The following SEPTIN9 variants were observed in gnomAD, a reference collection of about 807,000 sequenced individuals.
SEPTIN9 encodes septin 9, also known as septin-9.
In SEPTIN9, 13 loss-of-function variants were observed where a neutral mutation model predicts 56.6. The observed-to-expected ratio is 0.23, with a 90% CI of 0.15 to 0.37. SEPTIN9 has a LOEUF of 0.37. Among genes scored for constraint, SEPTIN9 ranks in the 10% least tolerant of loss-of-function variants. The pLI is 1.00. For missense variants in SEPTIN9, 650 were observed against 823.1 expected (o/e 0.79, Z 2.57); for synonymous variants, 332 against 334.1 (o/e 0.99, Z 0.07).
intron 2 of SEPTIN9, chr17:77,373,122 C>G: frequency 1.1e-6 from 1 of 905,508 alleles, no homozygotes; most frequent in Non-Finnish European, 1.3e-6. Context: ...GCGGGCCAGG[C>G]GGGGAGGAGG....
chr17:77,414,878 G>A (rs142999950), intron 3 of SEPTIN9, among the ~76,000 whole-genome samples: 14 of 152,178 alleles, frequency 9.2e-5, no homozygotes, highest in East Asian at 5.8e-4. Flanking sequence ...GCGCCTGGCC[G>A]ATTCTAGACA....
chr17:77,410,408 G>A (rs1312392213), intron 3 of SEPTIN9, among the ~76,000 whole-genome samples: 2 of 152,186 alleles, frequency 1.3e-5, no homozygotes, highest in Non-Finnish European at 2.9e-5. Flanking sequence ...CACGGCCCCT[G>A]TCTGAAACCT....
rs567181458 is a variant in SEPTIN9 at position 77,451,846 on chromosome 17, G to A, written c.722-30298G>A. Among the ~76,000 whole-genome samples the A allele has an allele frequency of 2.0e-5, 3 of 152,356 alleles. No homozygotes were observed. The highest frequency in any genetic ancestry group is 2.0e-4 in the Admixed American group (3 of 15,304). On this transcript the variant is annotated intron_variant, in intron 3 of 11. Coordinates refer to ENST00000427177, the MANE Select transcript of SEPTIN9 (RefSeq NM_001113491.2). The surrounding 1 kb of genome is among the most constrained non-coding windows in gnomAD (Gnocchi z 4.2). ...GTTCTCCTGCTGCCCGGAGCTTCTT[G>A]GAACATGTTTCCTTTTCGCAAGGGG...
At position 77,475,880 on chromosome 17, in the gene SEPTIN9, C is replaced by T. The variant is rs1403636876; in HGVS notation, c.722-6264C>T. The T allele has an allele frequency of 3.1e-6, 5 of 1,612,074 alleles. No homozygotes were observed. The Admixed American group carries it at 6.7e-5, about 21-fold the overall frequency. On this transcript the variant is annotated intron_variant, in intron 3 of 11. Transcript: ENST00000427177. The surrounding 1 kb of genome is among the most constrained non-coding windows in gnomAD (Gnocchi z 4.6). ...GAGGATGACCTTGCATTCTGCTTGG[C>T]CACCATTGGCAGTGACAGACAAGGT...
chr17:77,478,673 GGT>G (rs1427382363), intron 3 of SEPTIN9, among the ~76,000 whole-genome samples: 1 of 151,956 alleles, frequency 6.6e-6, no homozygotes, highest in Non-Finnish European at 1.5e-5. Flanking sequence ...CATGGTGGCG[GGT>G]GCCTGTAATC....
intron 3 of SEPTIN9, among the ~76,000 whole-genome samples, chr17:77,410,584 C>T (rs748902141): frequency 6.6e-6 from 1 of 152,236 alleles, no homozygotes; most frequent in Admixed American, 6.5e-5. Context: ...CCGCCCCTGC[C>T]CTGCCTAGTG....
intron 3 of SEPTIN9, among the ~76,000 whole-genome samples, chr17:77,444,429 C>T (rs752312526): frequency 3.4e-5 from 5 of 145,566 alleles, no homozygotes; most frequent in Admixed American, 6.9e-5. Flanking sequence ...TTTGAGACAC[C>T]GGGAAGAAAC....
Position 77,319,752 on chromosome 17 carries a change from T to G in SEPTIN9, c.76+12555T>G, listed in dbSNP as rs1377494337. On this transcript the variant is annotated intron_variant, in intron 2 of 11. Transcript: ENST00000427177. This position sits in a 1 kb window ranked among gnomAD's most constrained non-coding sequence, Gnocchi z 5.3. ...CCTTAAGCCCAAGGAAATCGTAGCATCGCGGGACAGGGAAAATGAAAGACT... is the reference window on the plus strand; with the variant it reads ...CCTTAAGCCCAAGGAAATCGTAGCAGCGCGGGACAGGGAAAATGAAAGACT... The G allele has an allele frequency of 9.3e-7, 1 of 1,071,660 alleles. No homozygotes were observed. Among genetic ancestry groups the G allele is most frequent in the South Asian group, 4.3e-5 (1 of 23,322 alleles). 66.4% of individuals were successfully genotyped at this position (1,071,660 alleles called of 1,614,324 possible). A position where few individuals can be genotyped will look rare whatever the true frequency, so the allele number is the denominator to read the frequency against.
intron 1 of SEPTIN9, among the ~76,000 whole-genome samples, chr17:77,287,316 CCCTTT>C (rs2031325534): frequency 6.6e-6 from 1 of 152,220 alleles, no homozygotes; most frequent in Non-Finnish European, 1.5e-5. Context: ...TCACCCCTGC[CCCTTT>C]CCTGATGTGA....
intron 3 of SEPTIN9, among the ~76,000 whole-genome samples, chr17:77,419,236 C>A (rs925686907): frequency 1.3e-5 from 2 of 152,330 alleles, no homozygotes; most frequent in African/African-American, 2.4e-5. Flanking sequence ...CAGGCCCAGC[C>A]TCCTGCTGTG....
intron 2 of SEPTIN9, chr17:77,376,478 G>GATGTGGGTGCCTGTCACC: frequency 1.2e-6 from 1 of 854,588 alleles, no homozygotes; most frequent in Non-Finnish European, 1.4e-6. Flanking sequence ...GAGGCCAGCG[G>GATGTGGGTGCCTGTCACC]ATGTGGGTGC....
At chr17:77,493,144 G>C (rs562069398) in intron 10 of SEPTIN9, 68 bp downstream of exon 10, 2 of 1,270,994 alleles carry the variant, frequency 1.6e-6, no homozygotes, top group African/African-American at 3.0e-5. Context: ...CCCAGAGCCT[G>C]TGGGCCACGC....
rs541222538 is a variant in SEPTIN9 at position 77,403,818 on chromosome 17, G to A, written c.721+1115G>A. Among the ~76,000 whole-genome samples, 6 of 152,292 alleles carry A rather than the reference G, an allele frequency of 3.9e-5. 1 individual carries two copies. Among genetic ancestry groups the A allele is most frequent in the Non-Finnish European group, 5.9e-5 (4 of 68,024 alleles). Reference sequence around the variant, plus strand: ...CAATTTTAGCCACTTTGCAGTGTACGTTTCAGCGGCATTCAGTACATTCAC... The same window carrying A: ...CAATTTTAGCCACTTTGCAGTGTACATTTCAGCGGCATTCAGTACATTCAC... On this transcript the variant is annotated intron_variant, in intron 3 of 11. Transcript: ENST00000427177.
In SEPTIN9 at chr17:77,405,204, C is replaced by A; in HGVS notation, c.721+2501C>A. ...CTCCAGGGGCAGACACAGTTTAGCC[C>A]CTAAATTGTGCCAGAGACTGTGCCG... On this transcript the variant is annotated intron_variant, in intron 3 of 11. Coordinates refer to ENST00000427177, the MANE Select transcript of SEPTIN9 (RefSeq NM_001113491.2). The surrounding 1 kb of genome is among the most constrained non-coding windows in gnomAD (Gnocchi z 5.8). The A allele has an allele frequency of 7.1e-7, 1 of 1,404,890 alleles. No individual in the cohort carries two copies. The highest frequency in any genetic ancestry group is 9.7e-7 in the Non-Finnish European group (1 of 1,032,974). The allele number at this position is 1,404,890 out of a possible 1,614,324, so 87.0% of individuals were successfully genotyped here.
intron 3 of SEPTIN9, among the ~76,000 whole-genome samples, chr17:77,470,567 C>A (rs572487401): frequency 1.6e-4 from 24 of 152,186 alleles, no homozygotes; most frequent in Admixed American, 5.9e-4. Flanking sequence ...CCTATCTACT[C>A]ATCCACCCAT....
At chr17:77,409,092 C>T (rs1452747875) in intron 3 of SEPTIN9, among the ~76,000 whole-genome samples, 14 of 152,044 alleles carry the variant, frequency 9.2e-5, no homozygotes, top group Admixed American at 6.5e-5. Context: ...ATGCCTTACT[C>T]GGAAGGTCCC....
intron 2 of SEPTIN9, among the ~76,000 whole-genome samples, chr17:77,366,809 G>A (rs894881686): frequency 1.3e-5 from 2 of 152,214 alleles, no homozygotes; most frequent in African/African-American, 2.4e-5. Flanking sequence ...CGGGGAGCTC[G>A]GATGAGGTGG....
intron 7 of SEPTIN9, among the ~76,000 whole-genome samples, chr17:77,489,680 A>C (rs190113168): frequency 6.6e-6 from 1 of 152,302 alleles, no homozygotes; most frequent in East Asian, 1.9e-4. Flanking sequence ...CTCTGTGGGC[A>C]CCAGGTGCAG....
intron 3 of SEPTIN9, among the ~76,000 whole-genome samples, chr17:77,461,552 G>A (rs1321490299): frequency 2.0e-5 from 3 of 152,228 alleles, no homozygotes; most frequent in Non-Finnish European, 4.4e-5. Context: ...AGTGCACAGG[G>A]CTCACCAGCT....
Sources: allele counts gnomAD v4.1 joint callset (sites outside exome capture counted in the v4.1 genomes callset), GRCh38; gene constraint gnomAD v4.1.1; non-coding constraint Gnocchi (gnomAD v3.1); transcripts MANE v1.5; gene names NCBI Gene and HGNC (gene_info 2026-07-23, HGNC 2026-07-21).